Variants in PDK1 observed in about 807,000 individuals in gnomAD.
PDK1 encodes the protein pyruvate dehydrogenase kinase 1, also known as [Pyruvate dehydrogenase (acetyl-transferring)] kinase isozyme 1, mitochondrial.
Under a neutral mutation model 54.2 loss-of-function variants are expected in PDK1, and 39 were observed. That is an observed-to-expected ratio of 0.72 (90% confidence interval 0.56 to 0.94). PDK1 has a LOEUF of 0.94. Ranked by LOEUF, PDK1 falls within the 40% of genes least tolerant of loss-of-function variation. The pLI, the probability that PDK1 is intolerant of heterozygous loss-of-function variation, is 0.00. For synonymous variants in PDK1, 221 were observed against 207.1 expected, an observed-to-expected ratio of 1.07 and a Z score of -0.58; for missense variants, 552 against 566.0, an observed-to-expected ratio of 0.98 and a Z score of 0.25.
At chr2:172,709,292 C>T in the PDK1 span, among the ~76,000 whole-genome samples, 4 of 152,230 alleles carry the variant, frequency 2.6e-5, no homozygotes, top group South Asian at 8.3e-4. Flanking sequence ...TTCCTCAGCC[C>T]CTCACTATTT....
In PDK1 at chr2:172,603,342, G is replaced by C. The variant is rs926411147; in HGVS notation, c.*7373G>C. On this transcript the variant is annotated 3_prime_UTR_variant, in exon 11 of 11. Coordinates refer to ENST00000282077, the MANE Select transcript of PDK1 (RefSeq NM_002610.5). ...ACTTGGTGGATGTGTCCATGACCTC[G>C]AGATCGAAAACCCATTAGTTAATCT... The C allele has an allele frequency of 6.6e-6, 1 of 152,086 alleles. No individual in the cohort carries two copies. Among genetic ancestry groups the C allele is most frequent in the Non-Finnish European group, 1.5e-5 (1 of 68,012 alleles). The allele number at this position is 152,086 out of a possible 1,614,324, so 9.4% of individuals were successfully genotyped here.
At chr2:172,716,900 ATGTTTTC>A in the PDK1 span, among the ~76,000 whole-genome samples, 1 of 152,216 alleles carries the variant, frequency 6.6e-6, no homozygotes, top group Non-Finnish European at 1.5e-5. Flanking sequence ...AACTTCATCA[ATGTTTTC>A]TGTTTCTCTC....
the PDK1 span, among the ~76,000 whole-genome samples, chr2:172,660,206 G>A: frequency 7.2e-6 from 1 of 138,776 alleles, no homozygotes; most frequent in East Asian, 2.2e-4. Flanking sequence ...TAACATGTCA[G>A]TGTATCGATC....
At chr2:172,643,354 G>T in the PDK1 span, among the ~76,000 whole-genome samples, 1 of 152,244 alleles carries the variant, frequency 6.6e-6, no homozygotes, top group Admixed American at 6.5e-5. Context: ...ACGCCCACAC[G>T]TTCAAAGTTG....
the PDK1 span, among the ~76,000 whole-genome samples, chr2:172,644,363 A>G: frequency 6.6e-6 from 1 of 152,344 alleles, no homozygotes; most frequent in African/African-American, 2.4e-5. Flanking sequence ...TGGGGCTTAA[A>G]TCCTGGCTCT....
At chr2:172,648,245 C>T in the PDK1 span, among the ~76,000 whole-genome samples, 6 of 152,080 alleles carry the variant, frequency 3.9e-5, no homozygotes, top group Non-Finnish European at 8.8e-5. Context: ...ACTAATTGTC[C>T]TATGGTTAGA....
chr2:172,579,525 C>CTTTTTTTTTT (rs10660737), intron 8 of PDK1, among the ~76,000 whole-genome samples: 2 of 122,558 alleles, frequency 1.6e-5, no homozygotes, highest in African/African-American at 3.1e-5. Context: ...CCCGCTCTTT[C>CTTTTTTTTTT]TTTTTTTTTT....
chr2:172,703,747 TC>T, the PDK1 span, among the ~76,000 whole-genome samples: 4 of 148,664 alleles, frequency 2.7e-5, no homozygotes, highest in Admixed American at 1.3e-4. Context: ...TTCCTTTTTT[TC>T]TTTTTCTTTC....
the PDK1 span, among the ~76,000 whole-genome samples, chr2:172,615,599 G>A: frequency 6.6e-6 from 1 of 151,876 alleles, no homozygotes; most frequent in Admixed American, 6.6e-5. Flanking sequence ...CTCCAGCCTG[G>A]GCAATAAGAG....
chr2:172,588,187 TG>T (rs1690369286), intron 9 of PDK1, among the ~76,000 whole-genome samples: 1 of 152,230 alleles, frequency 6.6e-6, no homozygotes, highest in Non-Finnish European at 1.5e-5. Flanking sequence ...CAATGTCAAA[TG>T]ATAAACATGA....
Position 172,564,671 on chromosome 2 carries a change from GT to G in PDK1, c.581del (p.Leu194TyrfsTer26). 6.2e-7 allele frequency: 1 copy of G among 1,613,796 alleles called. No individual in the cohort carries two copies. The highest frequency in any genetic ancestry group is 8.5e-7 in the Non-Finnish European group (1 of 1,179,714). ...FYMSRISIRMLLNQHSLLFGG... is the reference protein window; with the variant it reads ...FYMSRISIRMXLNQHSLLFGG... ...ACATGAGTCGCATTTCAATTAGAAT[GT>G]TACTCAATCAGCACTGTAAGTGTCC... On this transcript the variant is annotated frameshift_variant, in exon 4 of 11. Coordinates refer to ENST00000282077, the MANE Select transcript of PDK1 (RefSeq NM_002610.5). LOFTEE classifies it high-confidence loss of function.
At chr2:172,705,018 TA>T in the PDK1 span, among the ~76,000 whole-genome samples, 2 of 152,184 alleles carry the variant, frequency 1.3e-5, no homozygotes, top group Non-Finnish European at 2.9e-5. Flanking sequence ...TGGAAAACTT[TA>T]TAGGACTCAG....
chr2:172,698,451 G>A, the PDK1 span, among the ~76,000 whole-genome samples: 1 of 152,168 alleles, frequency 6.6e-6, no homozygotes, highest in Non-Finnish European at 1.5e-5. Flanking sequence ...AACTACTACA[G>A]AGCCTCCTAC....
the PDK1 span, among the ~76,000 whole-genome samples, chr2:172,694,048 G>A: frequency 6.6e-6 from 1 of 152,166 alleles, no homozygotes; most frequent in African/African-American, 2.4e-5. Flanking sequence ...GTATGTGTGG[G>A]GTGTCCCACC....
Position 172,561,870 on chromosome 2 carries a change from G to T in PDK1, c.339-350G>T, listed in dbSNP as rs141459570. 5.0e-3 allele frequency among the ~76,000 whole-genome samples: 763 copies of T among 152,146 alleles called. 9 individuals carry two copies. The highest frequency in any genetic ancestry group is 0.017 in the African/African-American group (696 of 41,514). ...AAGACAAATTAAGTCATTTGCCCAA[G>T]ATCACATAGTTACTGGTGACAGATC... On this transcript the variant is annotated intron_variant, in intron 2 of 10. Transcript: ENST00000282077.
chr2:172,615,553 G>A, the PDK1 span, among the ~76,000 whole-genome samples: 2 of 152,134 alleles, frequency 1.3e-5, no homozygotes, highest in African/African-American at 2.4e-5. Flanking sequence ...AACCTGGGAG[G>A]CAGAGGTTGC....
At chr2:172,705,163 A>G in the PDK1 span, among the ~76,000 whole-genome samples, 4 of 152,222 alleles carry the variant, frequency 2.6e-5, no homozygotes, top group Non-Finnish European at 5.9e-5. Flanking sequence ...TAAATTTTGT[A>G]TAAAATGTAC....
At chr2:172,616,205 A>G in the PDK1 span, among the ~76,000 whole-genome samples, 1 of 152,202 alleles carries the variant, frequency 6.6e-6, no homozygotes, top group Non-Finnish European at 1.5e-5. Context: ...GTTTTTTTGT[A>G]AAGTTATACA....
the PDK1 span, among the ~76,000 whole-genome samples, chr2:172,676,921 C>G: frequency 1.3e-5 from 2 of 152,190 alleles, no homozygotes; most frequent in Non-Finnish European, 2.9e-5. Flanking sequence ...CCTGATCAGT[C>G]AGCAGCCACC....
Sources: allele counts gnomAD v4.1 joint callset (sites outside exome capture counted in the v4.1 genomes callset), GRCh38; gene constraint gnomAD v4.1.1; transcripts MANE v1.5; gene names NCBI Gene and HGNC (gene_info 2026-07-23, HGNC 2026-07-21).